Variants in THUMPD1 observed in about 807,000 individuals in gnomAD.
THUMPD1 encodes the protein THUMP domain-containing protein 1.
THUMPD1 carries 31 observed loss-of-function variants against 31.6 expected under a neutral mutation model. The observed-to-expected ratio is 0.98, with a 90% CI of 0.74 to 1.32. The LOEUF (loss-of-function observed/expected upper bound fraction) is 1.32, where lower values mean the gene tolerates loss of function less well. Ranked by LOEUF, THUMPD1 falls within the 40% of genes most tolerant of loss-of-function variation. The probability of loss-of-function intolerance (pLI) is 0.00; values close to 1 mark genes in which losing one functional copy is unlikely to be tolerated. For synonymous variants in THUMPD1, 166 were observed against 158.2 expected, an observed-to-expected ratio of 1.05 and a Z score of -0.37; for missense variants, 446 against 427.8, an observed-to-expected ratio of 1.04 and a Z score of -0.38.
rs950060783 is a variant in THUMPD1 at position 20,734,033 on chromosome 16, G to A, written c.*2847C>T. ...AACCTGAAAACAAGTCTTTTAATGA[G>A]TTCAGGTTACAACCGAACACAGGAT... On this transcript the variant is annotated 3_prime_UTR_variant, in exon 4 of 4. Coordinates refer to ENST00000396083, the MANE Select transcript of THUMPD1 (RefSeq NM_017736.5). 12 of 152,164 alleles carry A rather than the reference G, an allele frequency of 7.9e-5. No individual in the cohort carries two copies. Among genetic ancestry groups the A allele is most frequent in the African/African-American group, 2.9e-4 (12 of 41,446 alleles). The allele number at this position is 152,164 out of a possible 1,614,324, so 9.4% of individuals were successfully genotyped here.
chr16:20,737,568 T>A, intron 3 of THUMPD1, 140 bp downstream of exon 3: 2 of 895,182 alleles, frequency 2.2e-6, no homozygotes, highest in South Asian at 4.8e-5. Context: ...ATCAGTTGAT[T>A]TAATACTATT....
intron 1 of THUMPD1, 28 bp downstream of exon 1, chr16:20,741,481 G>GGGGGGCCCCCCCCCCCC: frequency 7.6e-7 from 1 of 1,308,414 alleles, no homozygotes; most frequent in Non-Finnish European, 9.9e-7. Flanking sequence ...CTGGCAGCCG[G>GGGGGGCCCCCCCCCCCC]CCCGCCCGCC....
intron 1 of THUMPD1, among the ~76,000 whole-genome samples, chr16:20,740,415 T>A (rs1252791448): frequency 1.3e-5 from 2 of 152,228 alleles, no homozygotes; most frequent in Non-Finnish European, 2.9e-5. Context: ...AAGAATTTGC[T>A]TAAAGTACAG....
At position 20,734,337 on chromosome 16, in the gene THUMPD1, T is replaced by C. The variant is rs2079850803; in HGVS notation, c.*2543A>G. 1 of 152,592 alleles carries C rather than the reference T, an allele frequency of 6.6e-6. No individual in the cohort carries two copies. The highest frequency in any genetic ancestry group is 1.5e-5 in the Non-Finnish European group (1 of 68,012). 9.5% of individuals were successfully genotyped at this position (152,592 alleles called of 1,614,324 possible). A position where few individuals can be genotyped will look rare whatever the true frequency, so the allele number is the denominator to read the frequency against. On this transcript the variant is annotated 3_prime_UTR_variant, in exon 4 of 4. Transcript: ENST00000396083. ...CAAAATCCTATCCTCCCTATTCCCC[T>C]AACTGATATTAATAATCCTCTTATC...
chr16:20,740,429 T>C (rs1024317091), intron 1 of THUMPD1, among the ~76,000 whole-genome samples: 1 of 152,080 alleles, frequency 6.6e-6, no homozygotes, highest in Non-Finnish European at 1.5e-5. Context: ...AGTACAGGAG[T>C]AGACAGGATA....
Position 20,735,908 on chromosome 16 carries a change from T to G in THUMPD1, c.*972A>C, listed in dbSNP as rs1168273311. The stretch of plus-strand genomic sequence containing the variant: ...GCCCCAGCATTTTAATGTTATTAGA[T>G]TCTCACCAACCATGCATATTTTCCT... On this transcript the variant is annotated 3_prime_UTR_variant, in exon 4 of 4. Transcript: ENST00000396083. 6.6e-6 allele frequency: 1 copy of G among 152,194 alleles called. No homozygotes were observed. Among genetic ancestry groups the G allele is most frequent in the East Asian group, 1.9e-4 (1 of 5,200 alleles). 9.4% of individuals were successfully genotyped at this position (152,194 alleles called of 1,614,324 possible). A position where few individuals can be genotyped will look rare whatever the true frequency, so the allele number is the denominator to read the frequency against.
At chr16:20,738,120 T>C in intron 2 of THUMPD1, 164 bp from the exon 3 acceptor site, 1 of 730,134 alleles carries the variant, frequency 1.4e-6, no homozygotes, top group Non-Finnish European at 2.4e-6. Context: ...ATTTCTTCAG[T>C]GCCTAATACG....
In THUMPD1 at chr16:20,736,819, G is replaced by GC; in HGVS notation, c.*60dup. On this transcript the variant is annotated 3_prime_UTR_variant, in exon 4 of 4. Transcript: ENST00000396083. ...GTTTTTAGTCACAATTTAAGGTGGAGCCCCAGCAACATCTCGTAGAGCCCC... is the reference window on the plus strand; with the variant it reads ...GTTTTTAGTCACAATTTAAGGTGGAGCCCCCAGCAACATCTCGTAGAGCCCC... 1.3e-6 allele frequency: 2 copies of GC among 1,536,536 alleles called. No individual in the cohort carries two copies. The highest frequency in any genetic ancestry group is 1.8e-4 in the Middle Eastern group (1 of 5,558).
At chr16:20,737,521 TCTAA>T (rs2079881163) in intron 3 of THUMPD1, among the ~76,000 whole-genome samples, 183 bp downstream of exon 3, 1 of 152,230 alleles carries the variant, frequency 6.6e-6, no homozygotes, top group African/African-American at 2.4e-5. Flanking sequence ...AAGACTTTTA[TCTAA>T]CTACCAGAAA....
Position 20,738,152 on chromosome 16 carries a change from T to C in THUMPD1, c.407-196A>G, listed in dbSNP as rs1309721468. 3 of 667,790 alleles carry C rather than the reference T, an allele frequency of 4.5e-6. No individual in the cohort carries two copies. In the East Asian group the frequency reaches 9.3e-5, roughly 21 times the overall value. 41.4% of individuals were successfully genotyped at this position (667,790 alleles called of 1,614,324 possible). On this transcript the variant is annotated intron_variant, in intron 2 of 3. Transcript: ENST00000396083. ...TACGTACTATAATGTATCTAATATA[T>C]TTTAACTTTTCATCATTATTACTGC...
At chr16:20,740,971 A>C (rs1260094375) in intron 1 of THUMPD1, among the ~76,000 whole-genome samples, 1 of 152,176 alleles carries the variant, frequency 6.6e-6, no homozygotes, top group Non-Finnish European at 1.5e-5. Flanking sequence ...AGCAATCCTT[A>C]AGTGGGAGGT....
In THUMPD1 at chr16:20,741,576, C is replaced by T; in HGVS notation, c.164G>A (p.Arg55His). ...GILITCNMNE[R>H]KCVEEAYSLL... ...GCTGTAGGCCTCCTCCACGCACTTG[C>T]GCTCGTTCATATTGCAGGTGATGAG... The change falls in exon 1 of 4, where the codon CGC (arginine) becomes CAC (histidine). Residue 55 changes from arginine (R) to histidine (H), a missense_variant. Coordinates refer to ENST00000396083, the MANE Select transcript of THUMPD1 (RefSeq NM_017736.5). The T allele has an allele frequency of 6.3e-7, 1 of 1,578,878 alleles. No individual in the cohort carries two copies. Among genetic ancestry groups the T allele is most frequent in the South Asian group, 1.2e-5 (1 of 86,506 alleles).
Position 20,741,563 on chromosome 16 carries a change from C to A in THUMPD1, c.177G>T (p.Glu59Asp). The change falls in exon 1 of 4, where the codon GAG (glutamate) becomes GAT (aspartate). Residue 59 changes from glutamate to aspartate, a missense_variant. Transcript: ENST00000396083. ...TCNMNERKCVEEAYSLLNEYG... is the reference protein window; with the variant it reads ...TCNMNERKCVDEAYSLLNEYG... The stretch of plus-strand genomic sequence containing the variant: ...ATTCGTTGAGGAGGCTGTAGGCCTC[C>A]TCCACGCACTTGCGCTCGTTCATAT... The A allele has an allele frequency of 6.7e-7, 1 of 1,492,214 alleles. No homozygotes were observed. Among genetic ancestry groups the A allele is most frequent in the East Asian group, 2.9e-5 (1 of 34,148 alleles). 92.4% of individuals were successfully genotyped at this position (1,492,214 alleles called of 1,614,324 possible). A position where few individuals can be genotyped will look rare whatever the true frequency, so the allele number is the denominator to read the frequency against.
At chr16:20,738,840 G>A (rs1261700674) in intron 2 of THUMPD1, 57 bp downstream of exon 2, 4 of 1,581,630 alleles carry the variant, frequency 2.5e-6, no homozygotes, top group Middle Eastern at 1.8e-4. Context: ...TATTCCCTGA[G>A]ACAGGAAGAT....
Position 20,735,385 on chromosome 16 carries a change from T to G in THUMPD1, c.*1495A>C, listed in dbSNP as rs1012088583. The G allele has an allele frequency of 6.6e-6, 1 of 151,914 alleles. No individual in the cohort carries two copies. Among genetic ancestry groups the G allele is most frequent in the Non-Finnish European group, 1.5e-5 (1 of 67,976 alleles). 9.4% of individuals were successfully genotyped at this position (151,914 alleles called of 1,614,324 possible). On this transcript the variant is annotated 3_prime_UTR_variant, in exon 4 of 4. Coordinates refer to ENST00000396083, the MANE Select transcript of THUMPD1 (RefSeq NM_017736.5). ...GGTTTTTGTTTTGGGTGTTTTTTTTTTTTTTTAACATTTTTGCATAAATGG... is the reference window on the plus strand; with the variant it reads ...GGTTTTTGTTTTGGGTGTTTTTTTTGTTTTTTAACATTTTTGCATAAATGG...
intron 1 of THUMPD1, among the ~76,000 whole-genome samples, chr16:20,739,537 A>C (rs1170456078): frequency 1.3e-5 from 2 of 152,096 alleles, no homozygotes; most frequent in African/African-American, 4.8e-5. Context: ...AACGTGGAGC[A>C]AGGCCGGAAG....
Position 20,741,485 on chromosome 16 carries a change from G to GC in THUMPD1, c.231+23dup. On this transcript the variant is annotated intron_variant, in intron 1 of 3. Coordinates refer to ENST00000396083, the MANE Select transcript of THUMPD1 (RefSeq NM_017736.5). ...TCCCGCAAGGCCTGGCAGCCGGCCC[G>GC]CCCGCCCACCCCGGGACCGGTACCT... 7 of 1,227,954 alleles carry GC rather than the reference G, an allele frequency of 5.7e-6. No homozygotes were observed. In the South Asian group the frequency reaches 8.6e-5, roughly 15 times the overall value. 76.1% of individuals were successfully genotyped at this position (1,227,954 alleles called of 1,614,324 possible).
chr16:20,736,948 C>T lies in THUMPD1; in HGVS notation c.994G>A (p.Gly332Arg). ...TGACTTGCAAGTTCAGGTTTGGCTC[C>T]TCCCTCATTTACCACCTGTGGATTA... Reference protein sequence around the residue: ...TSNPQVVNEGGAKPELASQAT... With the variant: ...TSNPQVVNEGRAKPELASQAT... Residue 332 changes from glycine to arginine, a missense_variant, in exon 4 of 4, where the codon GGA becomes AGA. Gly to Arg is a moderately radical substitution (Grantham distance 125). Transcript: ENST00000396083. 5 of 1,614,148 alleles carry T rather than the reference C, an allele frequency of 3.1e-6. No individual in the cohort carries two copies. Among genetic ancestry groups the T allele is most frequent in the Non-Finnish European group, 4.2e-6 (5 of 1,180,018 alleles).
rs932756699 is a variant in THUMPD1 at position 20,736,444 on chromosome 16, A to G, written c.*436T>C. ...AAAAGTACAAAAACTTCACTAAACA[A>G]TTCACTTCTAACCTACATGATCCAC... On this transcript the variant is annotated 3_prime_UTR_variant, in exon 4 of 4. Transcript: ENST00000396083. 1.9e-5 allele frequency: 3 copies of G among 156,180 alleles called. No individual in the cohort carries two copies. The highest frequency in any genetic ancestry group is 7.2e-5 in the African/African-American group (3 of 41,568). 9.7% of individuals were successfully genotyped at this position (156,180 alleles called of 1,614,324 possible).
Sources: gnomAD v4.1 joint callset for allele counts (sites outside exome capture counted in the v4.1 genomes callset) on GRCh38, gnomAD v4.1.1 for gene constraint, MANE v1.5 for transcripts, NCBI Gene and HGNC (gene_info 2026-07-23, HGNC 2026-07-21) for gene names.